The following SEPTIN11 variants were observed in gnomAD, a reference collection of about 807,000 sequenced individuals.
SEPTIN11 encodes the protein septin-11.
SEPTIN11 carries 25 observed loss-of-function variants against 51.4 expected under a neutral mutation model. That is an observed-to-expected ratio of 0.49 (90% confidence interval 0.35 to 0.68). The LOEUF (loss-of-function observed/expected upper bound fraction) is 0.68. Ranked by LOEUF, SEPTIN11 falls within the 30% of genes least tolerant of loss-of-function variation. The pLI, the probability that SEPTIN11 is intolerant of heterozygous loss-of-function variation, is 0.00. For missense variants in SEPTIN11, 381 were observed against 520.8 expected (o/e 0.73, Z 2.61); for synonymous variants, 174 against 184.1 (o/e 0.95, Z 0.44).
intron 5 of SEPTIN11, 79 bp downstream of exon 5, chr4:77,015,096 C>A: frequency 7.0e-7 from 1 of 1,421,706 alleles, no homozygotes; most frequent in South Asian, 1.3e-5. Flanking sequence ...GTGGCTGGAG[C>A]ACTGGACTGA....
At chr4:77,028,120 C>A (rs1259766632) in intron 7 of SEPTIN11, among the ~76,000 whole-genome samples, 1 of 152,034 alleles carries the variant, frequency 6.6e-6, no homozygotes, top group Non-Finnish European at 1.5e-5. Flanking sequence ...TATTCCCTTC[C>A]CCTCATTTCA....
chr4:77,011,409 G>A (rs895115981), intron 3 of SEPTIN11, among the ~76,000 whole-genome samples: 3 of 152,058 alleles, frequency 2.0e-5, no homozygotes, highest in Non-Finnish European at 4.4e-5. Flanking sequence ...CGTATGTACA[G>A]TCTCTGTTTT....
intron 1 of SEPTIN11, among the ~76,000 whole-genome samples, chr4:76,963,265 C>T (rs1201753830): frequency 6.6e-6 from 1 of 152,232 alleles, no homozygotes; most frequent in Non-Finnish European, 1.5e-5. Flanking sequence ...CCGTTGCACA[C>T]ACTGCAGTGG....
At chr4:76,983,175 A>G (rs920735999) in intron 1 of SEPTIN11, among the ~76,000 whole-genome samples, 2 of 152,150 alleles carry the variant, frequency 1.3e-5, no homozygotes, top group Non-Finnish European at 2.9e-5. Context: ...TTAGAAATGG[A>G]GATTGACCTG....
chr4:76,980,103 G>A (rs2645670), intron 1 of SEPTIN11, among the ~76,000 whole-genome samples: 134,728 of 152,166 alleles, frequency 0.89, 60,011 homozygotes, highest in African/African-American at 0.97. Context: ...CTGTGGATAA[G>A]AAAGTGGTAG....
Position 76,996,542 on chromosome 4 carries a change from A to T in SEPTIN11, c.142+3A>T. The T allele has an allele frequency of 2.5e-6, 4 of 1,602,468 alleles. No individual in the cohort carries two copies. Among genetic ancestry groups the T allele is most frequent in the Non-Finnish European group, 3.4e-6 (4 of 1,169,382 alleles). On this transcript the variant is annotated splice_donor_region_variant and intron_variant, in intron 2 of 9. Coordinates refer to ENST00000264893, the MANE Select transcript of SEPTIN11 (RefSeq NM_018243.4). ...CTGTTTCAACATCCTTTGTGTTGGT[A>T]AGTTATTCATCACCCCACAGCAAGA... is the stretch of plus-strand genomic sequence containing the variant.
At chr4:76,972,127 T>A (rs1371701935) in intron 1 of SEPTIN11, among the ~76,000 whole-genome samples, 1 of 152,234 alleles carries the variant, frequency 6.6e-6, no homozygotes, top group African/African-American at 2.4e-5. Flanking sequence ...CTTCCTCCAC[T>A]ACCTGCCCCC....
At chr4:77,020,849 C>G in intron 7 of SEPTIN11, 179 bp downstream of exon 7, 2 of 602,854 alleles carry the variant, frequency 3.3e-6, no homozygotes, top group Non-Finnish European at 5.7e-6. Flanking sequence ...TCTCAACTAA[C>G]TTACCTAGTT....
At chr4:77,031,051 A>G in intron 9 of SEPTIN11, 81 bp downstream of exon 9, 1 of 1,248,592 alleles carries the variant, frequency 8.0e-7, no homozygotes, top group Non-Finnish European at 1.1e-6. Flanking sequence ...CCATTTACAG[A>G]CTGGAAACTG....
chr4:76,977,867 A>G (rs2109910882), intron 1 of SEPTIN11, among the ~76,000 whole-genome samples: 1 of 152,294 alleles, frequency 6.6e-6, no homozygotes, highest in Non-Finnish European at 1.5e-5. Context: ...TTGGTAATAC[A>G]AGCATATGTG....
chr4:77,037,064 C>T lies in SEPTIN11; in HGVS notation c.*2552C>T, dbSNP rs917169300. The T allele has an allele frequency of 3.7e-5, 43 of 1,148,272 alleles. No individual in the cohort carries two copies. Among genetic ancestry groups the T allele is most frequent in the Admixed American group, 2.6e-4 (6 of 22,712 alleles). 71.1% of individuals were successfully genotyped at this position (1,148,272 alleles called of 1,614,324 possible). A position where few individuals can be genotyped will look rare whatever the true frequency, so the allele number is the denominator to read the frequency against. On this transcript the variant is annotated 3_prime_UTR_variant, in exon 10 of 10. Coordinates refer to ENST00000264893, the MANE Select transcript of SEPTIN11 (RefSeq NM_018243.4). ...ACTTCTTGACCTGAATTTGGAAATCCGAAATTACTAATCCAGGCCAGGTGT... is the reference window on the plus strand; with the variant it reads ...ACTTCTTGACCTGAATTTGGAAATCTGAAATTACTAATCCAGGCCAGGTGT...
chr4:76,978,621 G>A (rs1052528229), intron 1 of SEPTIN11, among the ~76,000 whole-genome samples: 1 of 152,132 alleles, frequency 6.6e-6, no homozygotes, highest in South Asian at 2.1e-4. Context: ...GACCTCCACC[G>A]TAAAATGGGA....
chr4:77,016,636 A>ATATATATATG lies in SEPTIN11; in HGVS notation c.687+1628_687+1629insGTATATATAT, dbSNP rs1560736332. Among the ~76,000 whole-genome samples the ATATATATATG allele has an allele frequency of 5.5e-5, 5 of 90,288 alleles. 1 individual carries two copies. In the East Asian group the frequency reaches 1.7e-3, roughly 30 times the overall value. 59.2% of individuals were successfully genotyped at this position (90,288 alleles called of 152,430 possible). A position where few individuals can be genotyped will look rare whatever the true frequency, so the allele number is the denominator to read the frequency against. On this transcript the variant is annotated intron_variant, in intron 5 of 9. Transcript: ENST00000264893. Reference sequence around the variant, plus strand: ...TACACATATATATATATATACACATATATATATATATATATATATACACAT... The same window carrying ATATATATATG: ...TACACATATATATATATATACACATATATATATATGTATATATATATATATATATACACAT...
At chr4:77,015,212 A>G (rs1037241784) in intron 5 of SEPTIN11, among the ~76,000 whole-genome samples, 195 bp downstream of exon 5, 1 of 152,168 alleles carries the variant, frequency 6.6e-6, no homozygotes, top group Non-Finnish European at 1.5e-5. Context: ...AGCTTTAGAC[A>G]AGATGATCTC....
At chr4:76,960,994 T>G (rs1721804893) in intron 1 of SEPTIN11, among the ~76,000 whole-genome samples, 1 of 152,204 alleles carries the variant, frequency 6.6e-6, no homozygotes, top group East Asian at 1.9e-4. Context: ...GAGGACCTTC[T>G]GTGTTACTTG....
chr4:76,999,091 C>G (rs917125277), intron 2 of SEPTIN11, among the ~76,000 whole-genome samples: 1 of 151,992 alleles, frequency 6.6e-6, no homozygotes, highest in Non-Finnish European at 1.5e-5. Flanking sequence ...TTCCTTTTTT[C>G]GCTCCACAAG....
At chr4:76,977,913 G>A (rs1292999665) in intron 1 of SEPTIN11, among the ~76,000 whole-genome samples, 3 of 152,198 alleles carry the variant, frequency 2.0e-5, no homozygotes, top group Non-Finnish European at 4.4e-5. Context: ...AAGCTAAGGA[G>A]GAAGTGGTGG....
chr4:76,971,814 T>C (rs547755678), intron 1 of SEPTIN11, among the ~76,000 whole-genome samples: 1 of 152,350 alleles, frequency 6.6e-6, no homozygotes, highest in East Asian at 1.9e-4. Context: ...TATTCATTGA[T>C]ACACTGTTCA....
intron 1 of SEPTIN11, among the ~76,000 whole-genome samples, chr4:76,987,179 C>T (rs990191168): frequency 6.6e-6 from 1 of 152,186 alleles, no homozygotes; most frequent in African/African-American, 2.4e-5. Context: ...CTCCTGGATG[C>T]TCCTCCTTAG....
Sources: gnomAD v4.1 joint callset for allele counts (sites outside exome capture counted in the v4.1 genomes callset) on GRCh38, gnomAD v4.1.1 for gene constraint, MANE v1.5 for transcripts, NCBI Gene and HGNC (gene_info 2026-07-23, HGNC 2026-07-21) for gene names.